The following LZTS3 variants were observed in gnomAD, a reference collection of about 807,000 sequenced individuals.
LZTS3 encodes leucine zipper putative tumor suppressor 3.
LZTS3 carries 16 observed loss-of-function variants against 50.9 expected under a neutral mutation model. The ratio of observed to expected loss-of-function variants is 0.31; its 90% confidence interval spans 0.21 to 0.48. The LOEUF (loss-of-function observed/expected upper bound fraction) is 0.48. Ranked by LOEUF, LZTS3 falls within the 20% of genes least tolerant of loss-of-function variation. The pLI is 0.99. For synonymous variants in LZTS3, 408 were observed against 410.6 expected, an observed-to-expected ratio of 0.99 and a Z score of 0.08; for missense variants, 816 against 931.0, an observed-to-expected ratio of 0.88 and a Z score of 1.61.
chr20:3,164,792 C>A lies in LZTS3; in HGVS notation c.1684G>T (p.Ala562Ser), dbSNP rs1257690130. Residue 562 changes from alanine to serine, a missense_variant, in exon 5 of 5, where the codon GCG becomes TCG. Physicochemically the swap from Ala to Ser is moderately conservative, Grantham distance 99. Around this residue, in one of 3 missense-constraint regions of LZTS3, gnomAD observed 700 missense variants for 769.4 expected, o/e 0.91. Transcript: ENST00000337576. ...AASLVSVDGE[A>S]EAGGESGTRA... is the part of the protein sequence containing the mutation. ...GTCCCGCTCTCCCCGCCAGCCTCCG[C>A]CTCCCCGTCCACGGAAACCAAGGAG... 3 of 1,531,454 alleles carry A rather than the reference C, an allele frequency of 2.0e-6. No homozygotes were observed. In the South Asian group the frequency reaches 3.6e-5, roughly 19 times the overall value. The allele number at this position is 1,531,454 out of a possible 1,614,324, so 94.9% of individuals were successfully genotyped here. A position where few individuals can be genotyped will look rare whatever the true frequency, so the allele number is the denominator to read the frequency against.
At chr20:3,171,149 T>C (rs2066898362) in intron 1 of LZTS3, among the ~76,000 whole-genome samples, 1 of 152,078 alleles carries the variant, frequency 6.6e-6, no homozygotes, top group Non-Finnish European at 1.5e-5. Context: ...TAAGGGGCAA[T>C]ACAAACATGT....
Position 3,165,065 on chromosome 20 carries a change from C to T in LZTS3, c.1411G>A (p.Val471Met), listed in dbSNP as rs764591547. ...TCCCGCAGCTGCGAGCGCAGTCCCA[C>T]GATCTCACTCAACTTCTGCGACACA... is the stretch of plus-strand genomic sequence containing the variant. ...ADVSQKLSEIVGLRSQLREGR... is the reference protein window; with the variant it reads ...ADVSQKLSEIMGLRSQLREGR... Residue 471 changes from valine to methionine, a missense_variant, in exon 5 of 5, where the codon GTG becomes ATG. Transcript: ENST00000337576. The surrounding 1 kb of genome is among the most constrained non-coding windows in gnomAD (Gnocchi z 5.0). The T allele has an allele frequency of 3.1e-6, 5 of 1,587,356 alleles. No homozygotes were observed. Among genetic ancestry groups the T allele is most frequent in the East Asian group, 2.3e-5 (1 of 44,116 alleles).
rs939304729 is a variant in LZTS3 at position 3,166,221 on chromosome 20, A to T, written c.599T>A (p.Leu200Gln). Residue 200 changes from leucine (L) to glutamine (Q), a missense_variant, in exon 4 of 5, where the codon CTG becomes CAG. This residue lies in a region of LZTS3 where 700 missense variants were observed against 769.4 expected (regional missense o/e 0.91). Transcript: ENST00000337576. Reference sequence around the variant, plus strand: ...TGGAGTCATGGTCCGAGACTTGTCCAGTCCGCCTTTGAGGCCACCAGGGCC... The same window carrying T: ...TGGAGTCATGGTCCGAGACTTGTCCTGTCCGCCTTTGAGGCCACCAGGGCC... ...RQGPGGLKGGLDKSRTMTPAG... is the reference protein window; with the variant it reads ...RQGPGGLKGGQDKSRTMTPAG... The T allele has an allele frequency of 1.2e-6, 2 of 1,613,858 alleles. No homozygotes were observed. The highest frequency in any genetic ancestry group is 1.3e-5 in the African/African-American group (1 of 75,052).
chr20:3,165,694 G>C lies in LZTS3; in HGVS notation c.1126C>G (p.Gln376Glu), dbSNP rs1206715713. Reference protein sequence around the residue: ...ELRQGCSGKLQQVARRAQRAQ... With the variant: ...ELRQGCSGKLEQVARRAQRAQ... ...CGCTGGGCACGTCGGGCCACCTGCT[G>C]TAGCTTCCCGCTGCAGCCCTGCCGC... The change falls in exon 4 of 5, where the codon CAG (glutamine) becomes GAG (glutamate). Residue 376 changes from glutamine (Q) to glutamate (E), a missense_variant. Transcript: ENST00000337576. This position sits in a 1 kb window ranked among gnomAD's most constrained non-coding sequence, Gnocchi z 5.0. 6.3e-7 allele frequency: 1 copy of C among 1,574,930 alleles called. No homozygotes were observed. The highest frequency in any genetic ancestry group is 8.6e-7 in the Non-Finnish European group (1 of 1,169,028).
chr20:3,168,016 G>T, intron 1 of LZTS3, 55 bp from the exon 2 acceptor site: 1 of 237,880 alleles, frequency 4.2e-6, no homozygotes, highest in Non-Finnish European at 6.4e-6. Flanking sequence ...CGTGCCAGGC[G>T]CCCCGAGGCG....
At chr20:3,169,179 G>T (rs1456630773) in intron 1 of LZTS3, among the ~76,000 whole-genome samples, 1 of 152,192 alleles carries the variant, frequency 6.6e-6, no homozygotes, top group Non-Finnish European at 1.5e-5. Context: ...AGCCCTGAGG[G>T]TGACAGCCTC....
intron 1 of LZTS3, among the ~76,000 whole-genome samples, chr20:3,171,773 C>T (rs1407983050): frequency 6.6e-6 from 1 of 152,150 alleles, no homozygotes; most frequent in Non-Finnish European, 1.5e-5. Context: ...CTGAACTAGT[C>T]CAGGTAACTG....
chr20:3,165,282 G>C lies in LZTS3; in HGVS notation c.1324-130C>G. 8.5e-7 allele frequency: 1 copy of C among 1,170,738 alleles called. No homozygotes were observed. Among genetic ancestry groups the C allele is most frequent in the South Asian group, 1.6e-5 (1 of 61,634 alleles). 72.5% of individuals were successfully genotyped at this position (1,170,738 alleles called of 1,614,324 possible). On this transcript the variant is annotated intron_variant, in intron 4 of 4. Coordinates refer to ENST00000337576, the MANE Select transcript of LZTS3 (RefSeq NM_001365618.1). This position sits in a 1 kb window ranked among gnomAD's most constrained non-coding sequence, Gnocchi z 5.0. The stretch of plus-strand genomic sequence containing the variant: ...GCAGGCTCAGCCCCTCATCAGCAGC[G>C]ACGCACCCGATTCCCTGCCTGGACT...
rs759625241 is a variant in LZTS3 at position 3,164,834 on chromosome 20, C to A, written c.1642G>T (p.Gly548Trp). Reference sequence around the variant, plus strand: ...ACCAAGGAGGCGGCAGCGGCCACCCCGGCCTGACGGCGCATCTTAGCCTCG... The same window carrying A: ...ACCAAGGAGGCGGCAGCGGCCACCCAGGCCTGACGGCGCATCTTAGCCTCG... Reference protein sequence around the residue: ...SDEAKMRRQAGVAAAASLVSV... With the variant: ...SDEAKMRRQAWVAAAASLVSV... Residue 548 changes from glycine (G) to tryptophan (W), a missense_variant, in exon 5 of 5, where the codon GGG becomes TGG. Transcript: ENST00000337576. 1.3e-6 allele frequency: 2 copies of A among 1,549,992 alleles called. No homozygotes were observed. The highest frequency in any genetic ancestry group is 8.7e-7 in the Non-Finnish European group (1 of 1,152,960).
At chr20:3,173,382 T>G (rs558785931) in intron 1 of LZTS3, 73 bp downstream of exon 1, 1 of 152,264 alleles carries the variant, frequency 6.6e-6, no homozygotes, top group African/African-American at 2.4e-5. Context: ...AGGTCAGACA[T>G]GCCGCGCAGT....
Position 3,165,372 on chromosome 20 carries a change from TG to T in LZTS3, c.1323+124del. On this transcript the variant is annotated intron_variant, in intron 4 of 4. Transcript: ENST00000337576. The surrounding 1 kb of genome is among the most constrained non-coding windows in gnomAD (Gnocchi z 5.0). ...CTCACAGACACTCCCAATTGATTTT[TG>T]TCCCCCCTGCTCCTTTCATCCCCCC... 1 of 1,408,414 alleles carries T rather than the reference TG, an allele frequency of 7.1e-7. No individual in the cohort carries two copies. The highest frequency in any genetic ancestry group is 9.4e-7 in the Non-Finnish European group (1 of 1,066,292). 87.2% of individuals were successfully genotyped at this position (1,408,414 alleles called of 1,614,324 possible).
intron 1 of LZTS3, among the ~76,000 whole-genome samples, chr20:3,171,933 C>T (rs1275517651): frequency 1.3e-5 from 2 of 152,206 alleles, no homozygotes; most frequent in Non-Finnish European, 2.9e-5. Context: ...CAAACGGACT[C>T]TACCTGACAG....
At chr20:3,170,496 A>AAAAAAAAAC (rs1555768564) in intron 1 of LZTS3, among the ~76,000 whole-genome samples, 1 of 149,798 alleles carries the variant, frequency 6.7e-6, no homozygotes, top group South Asian at 2.1e-4. Flanking sequence ...CAAAAAAAAA[A>AAAAAAAAAC]AAAAAAAAAA....
Position 3,164,436 on chromosome 20 carries a change from G to A in LZTS3, c.*18C>T, listed in dbSNP as rs1486322744. Reference sequence around the variant, plus strand: ...CTTTTGACAGGACATGTGTCAAAATGCCGAGTGCCCAGGTCGATCAGATTT... The same window carrying A: ...CTTTTGACAGGACATGTGTCAAAATACCGAGTGCCCAGGTCGATCAGATTT... On this transcript the variant is annotated 3_prime_UTR_variant, in exon 5 of 5. Coordinates refer to ENST00000337576, the MANE Select transcript of LZTS3 (RefSeq NM_001365618.1). The A allele has an allele frequency of 8.7e-6, 13 of 1,502,720 alleles. No homozygotes were observed. Among genetic ancestry groups the A allele is most frequent in the Non-Finnish European group, 1.2e-5 (13 of 1,125,084 alleles). The allele number at this position is 1,502,720 out of a possible 1,614,324, so 93.1% of individuals were successfully genotyped here. A position where few individuals can be genotyped will look rare whatever the true frequency, so the allele number is the denominator to read the frequency against.
At chr20:3,166,668 A>G (rs2122178355) in intron 3 of LZTS3, 37 bp downstream of exon 3, 1 of 1,592,712 alleles carries the variant, frequency 6.3e-7, no homozygotes, top group East Asian at 2.3e-5. Context: ...CCACCCCCAG[A>G]AAAAGGCTGT....
chr20:3,166,660 A>T, intron 3 of LZTS3, 45 bp downstream of exon 3: 1 of 1,586,700 alleles, frequency 6.3e-7, no homozygotes, highest in South Asian at 1.1e-5. Flanking sequence ...GTTGCCTCCC[A>T]CCCCCAGAAA....
chr20:3,170,056 T>A (rs1039413433), intron 1 of LZTS3, among the ~76,000 whole-genome samples: 2 of 151,712 alleles, frequency 1.3e-5, no homozygotes, highest in African/African-American at 4.8e-5. Flanking sequence ...AGGCCAAGAT[T>A]GGGGGGATTC....
In LZTS3 at chr20:3,165,359, C is replaced by G. The variant is rs2066794908; in HGVS notation, c.1323+138G>C. 3 of 1,381,678 alleles carry G rather than the reference C, an allele frequency of 2.2e-6. No individual in the cohort carries two copies. The highest frequency in any genetic ancestry group is 2.6e-5 in the Admixed American group (1 of 38,900). The allele number at this position is 1,381,678 out of a possible 1,614,324, so 85.6% of individuals were successfully genotyped here. The stretch of plus-strand genomic sequence containing the variant: ...ATGGCCTCGGGTCCTCACAGACACT[C>G]CCAATTGATTTTTGTCCCCCCTGCT... On this transcript the variant is annotated intron_variant, in intron 4 of 4. Coordinates refer to ENST00000337576, the MANE Select transcript of LZTS3 (RefSeq NM_001365618.1). The surrounding 1 kb of genome is among the most constrained non-coding windows in gnomAD (Gnocchi z 5.0).
At position 3,169,879 on chromosome 20, in the gene LZTS3, TAAAAAAAAAAA is replaced by T. The variant is rs34415260; in HGVS notation, c.-242-1929_-242-1919del. Among the ~76,000 whole-genome samples, 283 of 62,516 alleles carry T rather than the reference TAAAAAAAAAAA, an allele frequency of 4.5e-3. 1 individual carries two copies. The highest frequency in any genetic ancestry group is 0.02 in the African/African-American group (278 of 14,160). The allele number at this position is 62,516 out of a possible 152,430, so 41.0% of individuals were successfully genotyped here. On this transcript the variant is annotated intron_variant, in intron 1 of 4. Transcript: ENST00000337576. ...GGGTGACAGAGCGAGACTCTTTCCT[TAAAAAAAAAAA>T]AAAAAAAAAAAAAAGCACTAGATGG...
Sources: allele counts gnomAD v4.1 joint callset (sites outside exome capture counted in the v4.1 genomes callset), GRCh38; gene constraint gnomAD v4.1.1; regional missense constraint gnomAD v4.1.1; non-coding constraint Gnocchi (gnomAD v3.1); transcripts MANE v1.5; gene names NCBI Gene and HGNC (gene_info 2026-07-23, HGNC 2026-07-21).